Variants in NRP2 observed in about 807,000 individuals in gnomAD.
NRP2 encodes neuropilin-2.
In NRP2, 52 loss-of-function variants were observed where a neutral mutation model predicts 110.4. The observed-to-expected ratio is 0.47, with a 90% CI of 0.38 to 0.59. The LOEUF is 0.59. Among genes scored for constraint, NRP2 ranks in the 20% least tolerant of loss-of-function variants. The pLI is 0.00. For missense variants in NRP2, 1,049 were observed against 1,203.0 expected, an observed-to-expected ratio of 0.87 and a Z score of 1.89; for synonymous variants, 508 against 468.9, an observed-to-expected ratio of 1.08 and a Z score of -1.08.
intron 2 of NRP2, among the ~76,000 whole-genome samples, chr2:205,707,875 G>A (rs2056714639): frequency 6.6e-6 from 1 of 152,192 alleles, no homozygotes; most frequent in East Asian, 1.9e-4. Context: ...CCCAGACGCT[G>A]TGCTCTGATT....
chr2:205,777,230 A>C (rs933892036), intron 15 of NRP2: 63 of 820,396 alleles, frequency 7.7e-5, no homozygotes, highest in Non-Finnish European at 9.3e-5. Flanking sequence ...CATGGGATGC[A>C]GTGTGGCTTC....
intron 3 of NRP2, among the ~76,000 whole-genome samples, chr2:205,716,810 A>T (rs971762774): frequency 4.6e-5 from 7 of 152,144 alleles, no homozygotes; most frequent in African/African-American, 1.7e-4. Context: ...GTCTCTAAAG[A>T]TCTTGCCATG....
intron 15 of NRP2, chr2:205,779,725 T>A (rs1374948306): frequency 6.6e-6 from 1 of 152,184 alleles, no homozygotes; most frequent in East Asian, 1.9e-4. Context: ...CATGTGAGGT[T>A]TTTTTTCCCT....
At position 205,743,358 on chromosome 2, in the gene NRP2, C is replaced by G; in HGVS notation, c.1447C>G (p.Pro483Ala). The G allele has an allele frequency of 6.2e-7, 1 of 1,614,238 alleles. No individual in the cohort carries two copies. The highest frequency in any genetic ancestry group is 8.5e-7 in the Non-Finnish European group (1 of 1,180,044). ...GTTCCCTCGAATCCCTCAGGCCCAG[C>G]CCGGTGAGGAGTGGCTTCAGGTAGA... ...GWFPRIPQAQ[P>A]GEEWLQVDLG... The change falls in exon 9 of 17, where the codon CCC becomes GCC. Residue 483 changes from proline (P) to alanine (A), a missense_variant. Transcript: ENST00000357785.
chr2:205,732,195 A>G lies in NRP2; in HGVS notation c.1146+4149A>G, dbSNP rs892829867. Among the ~76,000 whole-genome samples the G allele has an allele frequency of 8.5e-5, 13 of 152,326 alleles. No homozygotes were observed. The East Asian group carries it at 2.5e-3, about 29-fold the overall frequency. ...GAGCCTGTACATGGCTTAACCCACT[A>G]GGCTCATTATTGTGGAGCTGGGCTT... On this transcript the variant is annotated intron_variant, in intron 7 of 16. Coordinates refer to ENST00000357785, the MANE Select transcript of NRP2 (RefSeq NM_003872.3).
chr2:205,763,816 G>A lies in NRP2; in HGVS notation c.2187G>A (p.Ala729=), dbSNP rs2105918955. ...QYQATGGRGV[A]LQVVREASQE... Reference sequence around the variant, plus strand: ...AGGCCACGGGCGGCCGCGGGGTGGCGCTGCAGGTGGTGCGGGAAGCCAGCC... The same window carrying A: ...AGGCCACGGGCGGCCGCGGGGTGGCACTGCAGGTGGTGCGGGAAGCCAGCC... Residue 729 remains alanine (A), a synonymous_variant, in exon 13 of 17, where the codon GCG becomes GCA. Transcript: ENST00000357785. This position sits in a 1 kb window ranked among gnomAD's most constrained non-coding sequence, Gnocchi z 4.0. 6.2e-7 allele frequency: 1 copy of A among 1,614,084 alleles called. No individual in the cohort carries two copies. Among genetic ancestry groups the A allele is most frequent in the East Asian group, 2.2e-5 (1 of 44,878 alleles).
At position 205,725,244 on chromosome 2, in the gene NRP2, C is replaced by T. The variant is rs2057106111; in HGVS notation, c.821-669C>T. ...TACCTGATAAGGATTGCTGGCCGAT[C>T]TTAGACACATGCACACACACATATC... On this transcript the variant is annotated intron_variant, in intron 5 of 16. Coordinates refer to ENST00000357785, the MANE Select transcript of NRP2 (RefSeq NM_003872.3). The surrounding 1 kb of genome is among the most constrained non-coding windows in gnomAD (Gnocchi z 4.1). Among the ~76,000 whole-genome samples the T allele has an allele frequency of 6.6e-6, 1 of 152,302 alleles. No homozygotes were observed. The highest frequency in any genetic ancestry group is 2.1e-4 in the South Asian group (1 of 4,826).
intron 8 of NRP2, among the ~76,000 whole-genome samples, chr2:205,742,284 T>A (rs1328786999): frequency 1.3e-5 from 2 of 152,230 alleles, no homozygotes; most frequent in African/African-American, 4.8e-5. Flanking sequence ...GTTCCACACA[T>A]CTGATGTGCC....
At chr2:205,784,487 A>C (rs1453127849) in intron 15 of NRP2, among the ~76,000 whole-genome samples, 2 of 152,156 alleles carry the variant, frequency 1.3e-5, no homozygotes, top group East Asian at 3.9e-4. Context: ...AGTTATTACA[A>C]CCTAGATGGG....
At chr2:205,743,121 T>G (rs1469867863) in intron 8 of NRP2, 82 bp from the exon 9 acceptor site, 1 of 1,599,092 alleles carries the variant, frequency 6.3e-7, no homozygotes, top group Non-Finnish European at 8.5e-7. Context: ...TGGGCTCTTT[T>G]GCAGCTCCCT....
intron 15 of NRP2, 171 bp downstream of exon 15, chr2:205,766,974 G>A (rs1021000383): frequency 6.1e-6 from 4 of 653,290 alleles, no homozygotes; most frequent in South Asian, 3.5e-5. Context: ...CTGTAGATGC[G>A]GGAAGGGGAT....
chr2:205,794,829 A>C lies in NRP2; in HGVS notation c.2552A>C (p.Lys851Thr), dbSNP rs1216093881. The C allele has an allele frequency of 6.2e-7, 1 of 1,614,158 alleles. No homozygotes were observed. Among genetic ancestry groups the C allele is most frequent in the South Asian group, 1.1e-5 (1 of 91,080 alleles). Residue 851 changes from lysine (K) to threonine (T), a missense_variant, in exon 17 of 17, where the codon AAG becomes ACG. By Grantham distance (78) the Lys-to-Thr change is moderately conservative. Transcript: ENST00000357785. ...GGCGCCCCCTCGACCGACAAAGAAA[A>C]GAGCTGGCTGTACACCCTGGATCCC... is the stretch of plus-strand genomic sequence containing the variant. ...GSGAPSTDKE[K>T]SWLYTLDPIL...
At chr2:205,765,364 A>ACG in intron 13 of NRP2, 110 bp from the exon 14 acceptor site, 1 of 863,880 alleles carries the variant, frequency 1.2e-6, no homozygotes, top group Non-Finnish European at 2.0e-6. Context: ...ACACACACAC[A>ACG]CACATACACA....
At chr2:205,778,358 C>G (rs532203785) in intron 15 of NRP2, 7 of 152,194 alleles carry the variant, frequency 4.6e-5, no homozygotes, top group African/African-American at 1.7e-4. Context: ...CTCTCCCACT[C>G]TTACTCTATT....
chr2:205,752,342 G>A, intron 11 of NRP2: 1 of 204,082 alleles, frequency 4.9e-6, no homozygotes, highest in Non-Finnish European at 1.0e-5. Context: ...TGTTTCTGAG[G>A]TCACTTTCTC....
intron 2 of NRP2, among the ~76,000 whole-genome samples, chr2:205,699,030 T>C (rs1033054227): frequency 1.3e-5 from 2 of 152,222 alleles, no homozygotes; most frequent in African/African-American, 4.8e-5. Context: ...ACCTACATAA[T>C]GGTTTTCTCC....
chr2:205,698,958 T>C (rs1413841966), intron 2 of NRP2, among the ~76,000 whole-genome samples: 1 of 152,248 alleles, frequency 6.6e-6, no homozygotes, highest in African/African-American at 2.4e-5. Flanking sequence ...CCTCTTTAAC[T>C]AGTGCTAGAC....
chr2:205,798,047 A>C lies in NRP2; in HGVS notation c.*2989A>C, dbSNP rs2058365114. The C allele has an allele frequency of 6.5e-6, 1 of 152,674 alleles. No homozygotes were observed. Among genetic ancestry groups the C allele is most frequent in the African/African-American group, 2.4e-5 (1 of 41,458 alleles). 9.5% of individuals were successfully genotyped at this position (152,674 alleles called of 1,614,324 possible). ...TTTACTGTGATTCTTCAATGTAAAA[A>C]ATAAACAACAATGTCAAACTGTGTT... On this transcript the variant is annotated 3_prime_UTR_variant, in exon 17 of 17. Transcript: ENST00000357785.
chr2:205,746,890 G>A (rs2057547912), intron 10 of NRP2, among the ~76,000 whole-genome samples: 1 of 152,194 alleles, frequency 6.6e-6, no homozygotes, highest in Non-Finnish European at 1.5e-5. Flanking sequence ...ACACGGGCTG[G>A]GAATTGGGCC....
Sources: gnomAD v4.1 joint callset for allele counts (sites outside exome capture counted in the v4.1 genomes callset) on GRCh38, gnomAD v4.1.1 for gene constraint, Gnocchi (gnomAD v3.1) non-coding constraint, MANE v1.5 for transcripts, NCBI Gene and HGNC (gene_info 2026-07-23, HGNC 2026-07-21) for gene names.